The following NAV2 variants were observed in gnomAD, a reference collection of about 807,000 sequenced individuals.
The protein encoded by NAV2 is neuron navigator 2, also known as helicase, APC down-regulated 1.
A neutral mutation model predicts 223.2 loss-of-function variants in NAV2; 54 were observed. The ratio of observed to expected loss-of-function variants is 0.24; its 90% CI spans 0.19 to 0.30. The LOEUF (loss-of-function observed/expected upper bound fraction) is 0.30. Ranked by LOEUF, NAV2 falls within the 10% of genes least tolerant of loss-of-function variation. The probability of loss-of-function intolerance (pLI) is 1.00; values close to 1 mark genes in which losing one functional copy is unlikely to be tolerated. For synonymous variants in NAV2, 1,279 were observed against 1,239.3 expected (o/e 1.03, Z -0.67); for missense variants, 2,806 against 3,147.5 (o/e 0.89, Z 2.60).
intron 1 of NAV2, among the ~76,000 whole-genome samples, chr11:19,459,072 T>C (rs1001128852): frequency 6.6e-6 from 1 of 152,134 alleles, no homozygotes; most frequent in Non-Finnish European, 1.5e-5. Flanking sequence ...GCCTAGAAAA[T>C]GCTAAAGGCA....
intron 1 of NAV2, among the ~76,000 whole-genome samples, chr11:19,376,474 C>T (rs1848645649): frequency 6.6e-6 from 1 of 152,212 alleles, no homozygotes; most frequent in East Asian, 1.9e-4. Context: ...GAGGGACTCA[C>T]CTGCTGTTAT....
chr11:19,864,926 C>A (rs528477410), intron 3 of NAV2, among the ~76,000 whole-genome samples: 1 of 152,286 alleles, frequency 6.6e-6, no homozygotes, highest in South Asian at 2.1e-4. Flanking sequence ...CCCCTCTACC[C>A]CAGCTAATGC....
At chr11:19,863,295 A>G (rs2061895994) in intron 3 of NAV2, among the ~76,000 whole-genome samples, 1 of 152,216 alleles carries the variant, frequency 6.6e-6, no homozygotes, top group Admixed American at 6.5e-5. Context: ...ACTCTTGTCA[A>G]GGGACCTCTC....
chr11:20,115,028 A>AT (rs1328203477), intron 37 of NAV2, among the ~76,000 whole-genome samples: 2 of 152,128 alleles, frequency 1.3e-5, no homozygotes, highest in Admixed American at 6.6e-5. Context: ...TTAAGAATTG[A>AT]TTTTTCCCCT....
intron 1 of NAV2, among the ~76,000 whole-genome samples, chr11:19,519,491 G>C (rs150667601): frequency 6.6e-6 from 1 of 152,216 alleles, no homozygotes; most frequent in African/African-American, 2.4e-5. Context: ...CACAGAGCTC[G>C]GAGACGGTAG....
chr11:19,866,665 T>G (rs866331017), intron 3 of NAV2, among the ~76,000 whole-genome samples: 2 of 152,152 alleles, frequency 1.3e-5, no homozygotes, highest in Admixed American at 6.5e-5. Flanking sequence ...TCTATAGAAA[T>G]AGTGTTGTAG....
chr11:19,554,724 T>C (rs1425151103), intron 1 of NAV2, among the ~76,000 whole-genome samples: 1 of 152,138 alleles, frequency 6.6e-6, no homozygotes, highest in African/African-American at 2.4e-5. Context: ...CTATCCACTT[T>C]GGGAGGCCGA....
Position 19,573,029 on chromosome 11 carries a change from G to T in NAV2, c.75+222002G>T, listed in dbSNP as rs567509019. On this transcript the variant is annotated intron_variant, in intron 1 of 37. Coordinates refer to the NAV2 transcript ENST00000360655. ...AATCTAATTTTCTCATTAACCTCTT[G>T]TTTAGGAAATGCTTTGTCTTTGAAA... Among the ~76,000 whole-genome samples, 15 of 152,262 alleles carry T rather than the reference G, an allele frequency of 9.9e-5. No homozygotes were observed. In the South Asian group the frequency reaches 2.3e-3, roughly 23 times the overall value.
intron 6 of NAV2, among the ~76,000 whole-genome samples, chr11:19,907,536 G>GGGT (rs2042975542): frequency 6.6e-6 from 1 of 152,004 alleles, no homozygotes; most frequent in Non-Finnish European, 1.5e-5. Context: ...GGGGGAGGGG[G>GGGT]AATTTGAGAC....
intron 1 of NAV2, among the ~76,000 whole-genome samples, chr11:19,450,979 A>T (rs1378538445): frequency 6.6e-6 from 1 of 152,152 alleles, no homozygotes; most frequent in Non-Finnish European, 1.5e-5. Flanking sequence ...AGTTACTTTT[A>T]GGGAGGATGA....
rs552883751 is a variant in NAV2, at chr11:19,596,184, A to G, written c.76-236300A>G. Among the ~76,000 whole-genome samples, 3 of 152,312 alleles carry G rather than the reference A, an allele frequency of 2.0e-5. No individual in the cohort carries two copies. The South Asian group carries it at 6.2e-4, about 32-fold the overall frequency. On this transcript the variant is annotated intron_variant, in intron 1 of 37. Coordinates refer to the NAV2 transcript ENST00000360655. Reference sequence around the variant, plus strand: ...TCATAAGGCTGGCATGGGGAATGATATGGGGTAGGTGCCCAGGGAAGGCTG... The same window carrying G: ...TCATAAGGCTGGCATGGGGAATGATGTGGGGTAGGTGCCCAGGGAAGGCTG...
chr11:19,494,045 G>A (rs2042717067), intron 1 of NAV2, among the ~76,000 whole-genome samples: 1 of 152,194 alleles, frequency 6.6e-6, no homozygotes, highest in Non-Finnish European at 1.5e-5. Context: ...ACCAGACTGA[G>A]CTCTGCAGAG....
At chr11:20,061,674 A>G (rs2058717026) in intron 19 of NAV2, among the ~76,000 whole-genome samples, 1 of 152,200 alleles carries the variant, frequency 6.6e-6, no homozygotes, top group Admixed American at 6.5e-5. Context: ...AGAAAAGAAG[A>G]CACCACTTGC....
At chr11:19,374,613 C>A (rs947162986) in intron 1 of NAV2, among the ~76,000 whole-genome samples, 1 of 152,116 alleles carries the variant, frequency 6.6e-6, no homozygotes. Flanking sequence ...GAAGAAACAC[C>A]AAGAGAACTC....
intron 1 of NAV2, among the ~76,000 whole-genome samples, chr11:19,594,845 G>A (rs1444537117): frequency 6.6e-6 from 1 of 152,132 alleles, no homozygotes; most frequent in African/African-American, 2.4e-5. Context: ...TTGTGGACTT[G>A]GTGTGAGGAT....
chr11:19,642,975 A>G (rs2067624534), intron 1 of NAV2, among the ~76,000 whole-genome samples: 2 of 152,096 alleles, frequency 1.3e-5, no homozygotes, highest in South Asian at 2.1e-4. Flanking sequence ...CTTTGCTTCT[A>G]TTGACTTGGC....
rs537130880 is a variant in NAV2 at position 19,815,129 on chromosome 11, G to GA, written c.268-17348dup. Reference sequence around the variant, plus strand: ...ACGATGTGGGTATGAAAGGTGTAGGGAAAAAAACCCCTGCATGAAGATACG... The same window carrying GA: ...ACGATGTGGGTATGAAAGGTGTAGGGAAAAAAAACCCCTGCATGAAGATACG... On this transcript the variant is annotated intron_variant, in intron 1 of 37. Coordinates refer to ENST00000349880, the MANE Select transcript of NAV2 (RefSeq NM_145117.5). 2.0e-3 allele frequency among the ~76,000 whole-genome samples: 303 copies of GA among 152,210 alleles called. 2 individuals carry two copies. The highest frequency in any genetic ancestry group is 0.01 in the Middle Eastern group (3 of 294).
chr11:19,580,945 T>G (rs896984582), intron 1 of NAV2, among the ~76,000 whole-genome samples: 17 of 152,208 alleles, frequency 1.1e-4, no homozygotes, highest in Non-Finnish European at 2.9e-5. Flanking sequence ...TATCCTACAT[T>G]TGGTTCTTAT....
intron 7 of NAV2, among the ~76,000 whole-genome samples, chr11:19,937,541 A>G (rs1455768328): frequency 2.6e-5 from 4 of 152,190 alleles, no homozygotes; most frequent in Admixed American, 2.0e-4. Context: ...TTTCATTTTT[A>G]TAGAACCAGA....
Sources: allele counts gnomAD v4.1 joint callset (sites outside exome capture counted in the v4.1 genomes callset), GRCh38; gene constraint gnomAD v4.1.1; transcripts MANE v1.5; gene names NCBI Gene and HGNC (gene_info 2026-07-23, HGNC 2026-07-21).